Variants in MS4A5 observed in about 807,000 individuals in gnomAD.
MS4A5 encodes the protein membrane-spanning 4-domains subfamily A member 5.
A neutral mutation model predicts 18.2 loss-of-function variants in MS4A5; 15 were observed. That is an observed-to-expected ratio of 0.83 (90% confidence interval 0.55 to 1.27). MS4A5 has a LOEUF of 1.27. Among genes scored for constraint, MS4A5 ranks in the 50% most tolerant of loss-of-function variants. MS4A5 has a pLI of 0.00. For synonymous variants in MS4A5, 89 were observed against 78.7 expected, an observed-to-expected ratio of 1.13 and a Z score of -0.69; for missense variants, 232 against 225.7, an observed-to-expected ratio of 1.03 and a Z score of -0.18.
At chr11:60,435,493 T>A in intron 4 of MS4A5, 1 of 402,408 alleles carries the variant, frequency 2.5e-6, no homozygotes. Context: ...AGAAGACGGG[T>A]GATTTCTGCA....
intron 4 of MS4A5, among the ~76,000 whole-genome samples, chr11:60,445,768 C>T (rs1047103005): frequency 6.6e-6 from 1 of 152,074 alleles, no homozygotes; most frequent in Non-Finnish European, 1.5e-5. Context: ...TACAATAATG[C>T]TCCAATTCAC....
intron 4 of MS4A5, among the ~76,000 whole-genome samples, chr11:60,434,535 C>G (rs527323924): frequency 6.6e-6 from 1 of 152,180 alleles, no homozygotes; most frequent in South Asian, 2.1e-4. Flanking sequence ...TTTGAATGCA[C>G]CAGGTCCACA....
chr11:60,439,940 G>A (rs1413429754), intron 4 of MS4A5, among the ~76,000 whole-genome samples: 1 of 125,330 alleles, frequency 8.0e-6, no homozygotes, highest in East Asian at 2.2e-4. Flanking sequence ...AAGTTCATAT[G>A]GGACCAAAAA....
At chr11:60,436,528 A>T (rs2086081621) in intron 4 of MS4A5, among the ~76,000 whole-genome samples, 1 of 135,326 alleles carries the variant, frequency 7.4e-6, no homozygotes, top group Admixed American at 8.0e-5. Flanking sequence ...CTTTGAAAAA[A>T]ATTTAGAAGA....
At chr11:60,435,268 A>C (rs969232094) in intron 4 of MS4A5, 10 of 402,644 alleles carry the variant, frequency 2.5e-5, no homozygotes, top group African/African-American at 6.4e-5. Flanking sequence ...AGCACTCAAA[A>C]GAGGCCTAAA....
chr11:60,442,995 G>C (rs921233535), intron 4 of MS4A5, among the ~76,000 whole-genome samples: 4 of 152,094 alleles, frequency 2.6e-5, no homozygotes, highest in Non-Finnish European at 5.9e-5. Flanking sequence ...ACAAAAATTA[G>C]CAGGGCATGG....
In MS4A5 at chr11:60,429,793, A is replaced by C; in HGVS notation, c.119A>C (p.Gln40Pro). The part of the protein sequence containing the change: ...ATTFSTQSPL[Q>P]KLFARKMKIL... Reference sequence around the variant, plus strand: ...ACCTTTTCAACTCAAAGCCCCTTGCAAAAATTATTTGCTAGAAAAATGAAA... The same window carrying C: ...ACCTTTTCAACTCAAAGCCCCTTGCCAAAATTATTTGCTAGAAAAATGAAA... The change falls in exon 1 of 5, where the codon CAA becomes CCA. Residue 40 changes from glutamine to proline, a missense_variant. Physicochemically the swap from Gln to Pro is moderately conservative, Grantham distance 76. Transcript: ENST00000300190. 6.2e-7 allele frequency: 1 copy of C among 1,614,028 alleles called. No homozygotes were observed. Among genetic ancestry groups the C allele is most frequent in the Non-Finnish European group, 8.5e-7 (1 of 1,180,010 alleles).
intron 4 of MS4A5, among the ~76,000 whole-genome samples, chr11:60,440,157 G>C (rs1370852379): frequency 4.8e-5 from 4 of 83,664 alleles, no homozygotes; most frequent in South Asian, 4.4e-4. Flanking sequence ...ACAAACCTGA[G>C]AAAAACAAGC....
At chr11:60,446,243 C>A (rs1030220623) in intron 4 of MS4A5, among the ~76,000 whole-genome samples, 6 of 152,114 alleles carry the variant, frequency 3.9e-5, no homozygotes, top group Non-Finnish European at 7.4e-5. Flanking sequence ...ATATAGTAGA[C>A]AAATAAGGCT....
At chr11:60,432,317 C>A (rs994815158) in intron 2 of MS4A5, 94 bp from the exon 3 acceptor site, 11 of 702,420 alleles carry the variant, frequency 1.6e-5, no homozygotes, top group African/African-American at 1.5e-4. Context: ...ACTTAGAAGG[C>A]GGGCCTGTAA....
At chr11:60,447,402 G>GTGC (rs2086146934) in intron 4 of MS4A5, among the ~76,000 whole-genome samples, 1 of 144,812 alleles carries the variant, frequency 6.9e-6, no homozygotes, top group Non-Finnish European at 1.5e-5. Flanking sequence ...ATGCTGTGCT[G>GTGC]TACTATGCTA....
Position 60,433,765 on chromosome 11 carries a change from A to G in MS4A5, c.340A>G (p.Ile114Val), listed in dbSNP as rs1470717820. 1.2e-6 allele frequency: 2 copies of G among 1,613,536 alleles called. No individual in the cohort carries two copies. The change falls in exon 4 of 5, where the codon ATA becomes GTA. Residue 114 changes from isoleucine (I) to valine (V), a missense_variant and splice_region_variant. Coordinates refer to ENST00000300190, the MANE Select transcript of MS4A5 (RefSeq NM_023945.3). The part of the protein sequence containing the change: ...AVKRKTTETL[I>V]ILSRIMNFLS... ...TTGTTATGTTCTTATTCTATTTCAG[A>G]TAATATTGAGCCGAATAATGAATTT...
chr11:60,436,126 C>T (rs546719342), intron 4 of MS4A5, among the ~76,000 whole-genome samples: 37 of 152,092 alleles, frequency 2.4e-4, no homozygotes, highest in African/African-American at 7.5e-4. Flanking sequence ...CCCTGACCCC[C>T]GAGCAGCCTA....
chr11:60,430,885 T>C lies in MS4A5; in HGVS notation c.243T>C (p.Phe81=), dbSNP rs758298811. ...TAAAACCATATCCAAGGTTTCCCTT[T>C]ATATTTCTTTCAGGATATCCATTCT... is the stretch of plus-strand genomic sequence containing the variant. ...TLLKPYPRFP[F]IFLSGYPFWG... The change falls in exon 2 of 5, where the codon TTT becomes TTC. Residue 81 remains phenylalanine (F), a synonymous_variant. Coordinates refer to ENST00000300190, the MANE Select transcript of MS4A5 (RefSeq NM_023945.3). 4 of 1,613,228 alleles carry C rather than the reference T, an allele frequency of 2.5e-6. No individual in the cohort carries two copies. The Admixed American group carries it at 6.7e-5, about 27-fold the overall frequency.
intron 1 of MS4A5, among the ~76,000 whole-genome samples, 198 bp from the exon 2 acceptor site, chr11:60,430,598 T>A (rs1273869973): frequency 6.6e-6 from 1 of 152,168 alleles, no homozygotes; most frequent in Non-Finnish European, 1.5e-5. Context: ...CTGATTTAGA[T>A]CATTTTACCT....
At chr11:60,435,622 G>A (rs922797952) in intron 4 of MS4A5, 1 of 276,048 alleles carries the variant, frequency 3.6e-6, no homozygotes, top group African/African-American at 2.3e-5. Context: ...CACTTGGGAA[G>A]CGCAAGGGGT....
At chr11:60,435,417 G>T in intron 4 of MS4A5, 3 of 446,904 alleles carry the variant, frequency 6.7e-6, no homozygotes, top group South Asian at 4.8e-5. Flanking sequence ...AAATAAATGA[G>T]GGGGGAGGAG....
At chr11:60,435,700 A>G (rs1181248251) in intron 4 of MS4A5, among the ~76,000 whole-genome samples, 1 of 152,162 alleles carries the variant, frequency 6.6e-6, no homozygotes, top group Non-Finnish European at 1.5e-5. Flanking sequence ...GGTCACTCCC[A>G]CCCGAATACT....
At chr11:60,437,301 C>A (rs1240411086) in intron 4 of MS4A5, among the ~76,000 whole-genome samples, 2 of 150,448 alleles carry the variant, frequency 1.3e-5, no homozygotes, top group Non-Finnish European at 3.0e-5. Context: ...ACAACTGGTA[C>A]CAGCCGCTGC....
Sources: gnomAD v4.1 joint callset for allele counts (sites outside exome capture counted in the v4.1 genomes callset) on GRCh38, gnomAD v4.1.1 for gene constraint, MANE v1.5 for transcripts, NCBI Gene and HGNC (gene_info 2026-07-23, HGNC 2026-07-21) for gene names.